PTPRM: variants seen among roughly 807,000 people sequenced by gnomAD.
PTPRM encodes receptor-type tyrosine-protein phosphatase mu.
In PTPRM, 47 loss-of-function variants were observed where a neutral mutation model predicts 186.7. That is an observed-to-expected ratio of 0.25 (90% CI 0.20 to 0.32). The LOEUF (loss-of-function observed/expected upper bound fraction) is 0.32, where lower values mean the gene tolerates loss of function less well. PTPRM is among the 10% of genes least tolerant of loss of function. PTPRM has a pLI of 1.00. For missense variants in PTPRM, 1,494 were observed against 1,865.0 expected (o/e 0.80, Z 3.66); for synonymous variants, 668 against 674.9 (o/e 0.99, Z 0.16).
At chr18:7,772,447 TTCCTTCCTTCCTTCCTTCC>T (rs1347756618) in intron 1 of PTPRM, among the ~76,000 whole-genome samples, 1 of 19,030 alleles carries the variant, frequency 5.3e-5, no homozygotes, top group East Asian at 0.038. Flanking sequence ...CCCCTTCCCC[TTCCTTCCTTCCTTCCTTCC>T]TTCCTTCCTT....
At chr18:8,061,456 C>T (rs1296004) in intron 7 of PTPRM, among the ~76,000 whole-genome samples, 40,431 of 89,230 alleles carry the variant, frequency 0.45, 10,053 homozygotes, top group Non-Finnish European at 0.53. Flanking sequence ...AGTCCATTTA[C>T]ATTTAAAGTT....
chr18:8,149,686 CATT>C (rs141890240), intron 14 of PTPRM, among the ~76,000 whole-genome samples: 109,595 of 151,340 alleles, frequency 0.72, 41,358 homozygotes, highest in East Asian at 0.96. Flanking sequence ...TTGATCCTGT[CATT>C]ATGATGATAG....
chr18:8,387,901 G>A (rs6506580), intron 31 of PTPRM, among the ~76,000 whole-genome samples: 1 of 151,338 alleles, frequency 6.6e-6, no homozygotes, highest in Non-Finnish European at 1.5e-5. Context: ...CACATAGCCC[G>A]CAGCCTTACC....
rs1368152238 is a variant in PTPRM, at chr18:8,238,649, GTGTTTTTTTT to G, written c.2301-5407_2301-5398del. Among the ~76,000 whole-genome samples, 13 of 73,650 alleles carry G rather than the reference GTGTTTTTTTT, an allele frequency of 1.8e-4. 1 individual carries two copies. The highest frequency in any genetic ancestry group is 3.8e-4 in the African/African-American group (9 of 23,676). 48.3% of individuals were successfully genotyped at this position (73,650 alleles called of 152,430 possible). A position where few individuals can be genotyped will look rare whatever the true frequency, so the allele number is the denominator to read the frequency against. Reference sequence around the variant, plus strand: ...GCTCTGTCTCTTCACACTGTTTTGTGTGTTTTTTTTTTTTTTTTTTTTTTTTTTTTTTTTT... The same window carrying G: ...GCTCTGTCTCTTCACACTGTTTTGTGTTTTTTTTTTTTTTTTTTTTTTTTT... On this transcript the variant is annotated intron_variant, in intron 14 of 32. Transcript: ENST00000580170.
At chr18:7,873,290 TG>T (rs550962785) in intron 2 of PTPRM, among the ~76,000 whole-genome samples, 56 of 152,304 alleles carry the variant, frequency 3.7e-4, no homozygotes, top group Non-Finnish European at 6.2e-4. Context: ...CACTTTTTTT[TG>T]TTCTCTTTTT....
chr18:7,946,718 G>A (rs2052548319), intron 5 of PTPRM, among the ~76,000 whole-genome samples: 1 of 152,124 alleles, frequency 6.6e-6, no homozygotes, highest in African/African-American at 2.4e-5. Context: ...GACTTATGTG[G>A]GACTTTATTT....
At chr18:8,022,589 C>T (rs1368174485) in intron 7 of PTPRM, among the ~76,000 whole-genome samples, 2 of 152,112 alleles carry the variant, frequency 1.3e-5, no homozygotes, top group African/African-American at 4.8e-5. Flanking sequence ...CTCCACCCAC[C>T]GTTATTAAAT....
At chr18:8,137,477 G>A (rs1456628460) in intron 13 of PTPRM, among the ~76,000 whole-genome samples, 1 of 152,200 alleles carries the variant, frequency 6.6e-6, no homozygotes, top group African/African-American at 2.4e-5. Flanking sequence ...CTCCAGGCCT[G>A]GGTGGGGCAG....
intron 1 of PTPRM, among the ~76,000 whole-genome samples, chr18:7,678,185 C>T (rs1383968846): frequency 6.6e-6 from 1 of 152,054 alleles, no homozygotes. Flanking sequence ...AGGAAAACAC[C>T]CCTCCCCACA....
intron 2 of PTPRM, among the ~76,000 whole-genome samples, chr18:7,841,281 C>CTTTT (rs34688860): frequency 5.8e-4 from 41 of 70,228 alleles, no homozygotes; most frequent in African/African-American, 8.4e-4. Context: ...CAAATCATTT[C>CTTTT]TTTTTTTTTT....
intron 19 of PTPRM, among the ~76,000 whole-genome samples, chr18:8,286,851 G>A (rs1416279077): frequency 6.6e-6 from 1 of 152,080 alleles, no homozygotes; most frequent in Non-Finnish European, 1.5e-5. Context: ...ATTGCAGGAA[G>A]AGCCTGGGAA....
At chr18:8,207,691 A>G (rs1312807666) in intron 14 of PTPRM, among the ~76,000 whole-genome samples, 3 of 152,362 alleles carry the variant, frequency 2.0e-5, no homozygotes, top group Non-Finnish European at 4.4e-5. Flanking sequence ...TCTTCTCTAT[A>G]TGTTTTAGAT....
At chr18:8,211,529 G>A (rs1304105096) in intron 14 of PTPRM, among the ~76,000 whole-genome samples, 8 of 149,262 alleles carry the variant, frequency 5.4e-5, no homozygotes, top group African/African-American at 2.0e-4. Flanking sequence ...TCAGCCTCCC[G>A]AGTAGCTGGG....
intron 20 of PTPRM, among the ~76,000 whole-genome samples, chr18:8,313,971 C>G (rs2095288937): frequency 6.6e-6 from 1 of 151,940 alleles, no homozygotes; most frequent in African/African-American, 2.4e-5. Flanking sequence ...GGCAACATAG[C>G]CAGACCCCAT....
intron 19 of PTPRM, among the ~76,000 whole-genome samples, chr18:8,276,723 T>C (rs2094840104): frequency 6.6e-6 from 1 of 152,316 alleles, no homozygotes; most frequent in South Asian, 2.1e-4. Flanking sequence ...CTGGGGCTCA[T>C]GCCGTTCTAC....
chr18:8,253,375 G>A lies in PTPRM; in HGVS notation c.2715G>A (p.Met905Ile). 1 of 1,581,168 alleles carries A rather than the reference G, an allele frequency of 6.3e-7. No homozygotes were observed. Among genetic ancestry groups the A allele is most frequent in the South Asian group, 1.2e-5 (1 of 85,830 alleles). The change falls in exon 19 of 33, where the codon ATG (methionine) becomes ATA (isoleucine). Residue 905 changes from methionine to isoleucine, a missense_variant. By Grantham distance (10) the Met-to-Ile change is conservative (BLOSUM62 1). Transcript: ENST00000580170. ...ACCTCCTTCAGCACATCACACAGAT[G>A]AAGTGTGCGGAGGGCTACGGCTTCA... The part of the protein sequence containing the change: ...VADLLQHITQ[M>I]KCAEGYGFKE...
At chr18:7,805,836 A>G (rs538277544) in intron 2 of PTPRM, among the ~76,000 whole-genome samples, 38 of 152,326 alleles carry the variant, frequency 2.5e-4, no homozygotes, top group Non-Finnish European at 1.3e-4. Context: ...ATCAGTTAAA[A>G]TGGATAGCAC....
rs75555288 is a variant in PTPRM at position 8,304,402 on chromosome 18, C to T, written c.2842+7947C>T. 5.9e-3 allele frequency among the ~76,000 whole-genome samples: 894 copies of T among 152,240 alleles called. 10 individuals are homozygous for T. Among genetic ancestry groups the T allele is most frequent in the African/African-American group, 0.021 (854 of 41,538 alleles). ...ACCTCAGCGGATTATAATTCTTCAA[C>T]GCTAAGCACTGGTTTGTTGTGACAA... On this transcript the variant is annotated intron_variant, in intron 20 of 32. Coordinates refer to ENST00000580170, the MANE Select transcript of PTPRM (RefSeq NM_001105244.2).
intron 1 of PTPRM, among the ~76,000 whole-genome samples, chr18:7,585,819 A>G (rs907104766): frequency 1.3e-5 from 2 of 152,168 alleles, no homozygotes; most frequent in Non-Finnish European, 2.9e-5. Flanking sequence ...GTTCATTCAC[A>G]TAGAGTGAAT....
Sources: gnomAD v4.1 joint callset for allele counts (sites outside exome capture counted in the v4.1 genomes callset) on GRCh38, gnomAD v4.1.1 for gene constraint, MANE v1.5 for transcripts, NCBI Gene and HGNC (gene_info 2026-07-23, HGNC 2026-07-21) for gene names.